The following CFAP97 variants were observed in gnomAD, a reference collection of about 807,000 sequenced individuals.
CFAP97 encodes cilia- and flagella-associated protein 97.
Under a neutral mutation model 43.1 loss-of-function variants are expected in CFAP97, and 36 were observed. The observed-to-expected ratio is 0.84, with a 90% CI of 0.64 to 1.10. The LOEUF (loss-of-function observed/expected upper bound fraction) is 1.10, where lower values mean the gene tolerates loss of function less well. CFAP97 is among the 50% of genes least tolerant of loss of function. The pLI, the probability that CFAP97 is intolerant of heterozygous loss-of-function variation, is 0.00. For synonymous variants in CFAP97, 228 were observed against 225.7 expected, an observed-to-expected ratio of 1.01 and a Z score of -0.09; for missense variants, 657 against 620.3, an observed-to-expected ratio of 1.06 and a Z score of -0.63.
chr4:185,161,430 T>G lies in CFAP97; in HGVS notation c.*1368A>C, dbSNP rs1055898236. The G allele has an allele frequency of 6.6e-6, 1 of 152,120 alleles. No homozygotes were observed. The highest frequency in any genetic ancestry group is 1.5e-5 in the Non-Finnish European group (1 of 68,014). The allele number at this position is 152,120 out of a possible 1,614,324, so 9.4% of individuals were successfully genotyped here. On this transcript the variant is annotated 3_prime_UTR_variant, in exon 5 of 5. Coordinates refer to ENST00000458385, the MANE Select transcript of CFAP97 (RefSeq NM_020827.3). Reference sequence around the variant, plus strand: ...GCTACAGAGCCTGAGCACTGAAAAATGAAAATCTTATTGTGGCTACAGATC... The same window carrying G: ...GCTACAGAGCCTGAGCACTGAAAAAGGAAAATCTTATTGTGGCTACAGATC...
chr4:185,166,062 CT>C (rs1735057434), intron 3 of CFAP97, among the ~76,000 whole-genome samples: 2 of 152,302 alleles, frequency 1.3e-5, no homozygotes, highest in Admixed American at 1.3e-4. Context: ...GCTATTCCTT[CT>C]GCGTGAAGTG....
intron 2 of CFAP97, among the ~76,000 whole-genome samples, chr4:185,179,217 C>A (rs550408040): frequency 1.3e-5 from 2 of 152,040 alleles, no homozygotes; most frequent in African/African-American, 2.4e-5. Context: ...AAGTTAGGGG[C>A]ATCTGTGGAA....
chr4:185,166,297 C>T (rs1735070034), intron 3 of CFAP97, among the ~76,000 whole-genome samples: 1 of 152,158 alleles, frequency 6.6e-6, no homozygotes, highest in African/African-American at 2.4e-5. Flanking sequence ...TCTTCTCTAC[C>T]TGCAGTTTGT....
At chr4:185,208,190 C>T (rs568555351), upstream of CFAP97, among the ~76,000 whole-genome samples, 21 of 152,160 alleles carry the variant, frequency 1.4e-4, no homozygotes, top group African/African-American at 4.6e-4. Flanking sequence ...CTCACTGCGA[C>T]CTCCACCTCC....
chr4:185,164,206 G>A, intron 3 of CFAP97, 27 bp from the exon 4 acceptor site: 1 of 1,608,046 alleles, frequency 6.2e-7, no homozygotes, highest in East Asian at 2.2e-5. Context: ...TAATTTGAAA[G>A]GCAAGGTTAA....
chr4:185,180,587 C>T (rs995018982), intron 2 of CFAP97, among the ~76,000 whole-genome samples: 2 of 151,978 alleles, frequency 1.3e-5, no homozygotes, highest in African/African-American at 2.4e-5. Context: ...GTCAGAATTT[C>T]CTTCATTTTT....
intron 3 of CFAP97, among the ~76,000 whole-genome samples, chr4:185,175,556 G>A (rs1439996603): frequency 6.6e-6 from 1 of 152,090 alleles, no homozygotes; most frequent in Non-Finnish European, 1.5e-5. Context: ...AATTATATGC[G>A]TGACCCACTG....
At chr4:185,180,213 C>T (rs970825728) in intron 2 of CFAP97, among the ~76,000 whole-genome samples, 1 of 152,058 alleles carries the variant, frequency 6.6e-6, no homozygotes, top group Non-Finnish European at 1.5e-5. Context: ...TCATATTTAG[C>T]ATAACAGAAA....
chr4:185,201,278 A>G (rs1456475624), intron 1 of CFAP97, among the ~76,000 whole-genome samples: 1 of 149,054 alleles, frequency 6.7e-6, no homozygotes, highest in Non-Finnish European at 1.5e-5. Flanking sequence ...GTGAGCCCAG[A>G]TCACACCACT....
intron 1 of CFAP97, among the ~76,000 whole-genome samples, chr4:185,194,357 T>C (rs1448097099): frequency 6.6e-6 from 1 of 152,080 alleles, no homozygotes; most frequent in Non-Finnish European, 1.5e-5. Context: ...GGTGTGGCAG[T>C]GCGTGCCTGT....
chr4:185,165,658 G>C (rs1409469930), intron 3 of CFAP97, among the ~76,000 whole-genome samples: 2 of 152,194 alleles, frequency 1.3e-5, no homozygotes, highest in African/African-American at 4.8e-5. Context: ...TTCAGTCATA[G>C]GACAAGTTTT....
At chr4:185,201,983 T>C (rs1007430346) in intron 1 of CFAP97, among the ~76,000 whole-genome samples, 1 of 152,222 alleles carries the variant, frequency 6.6e-6, no homozygotes, top group Non-Finnish European at 1.5e-5. Flanking sequence ...CTCCTGTTAA[T>C]CTGCCTTACA....
At chr4:185,165,952 T>G (rs947411226) in intron 3 of CFAP97, among the ~76,000 whole-genome samples, 4 of 152,110 alleles carry the variant, frequency 2.6e-5, no homozygotes, top group Non-Finnish European at 5.9e-5. Context: ...GAGGAGGTTG[T>G]TATAGAAACA....
intron 2 of CFAP97, among the ~76,000 whole-genome samples, chr4:185,183,422 T>C (rs1262522905): frequency 1.3e-5 from 2 of 152,184 alleles, no homozygotes; most frequent in Non-Finnish European, 2.9e-5. Flanking sequence ...GTGAAGAAAT[T>C]AGGTAAGCCA....
chr4:185,164,662 G>T (rs546821849), intron 3 of CFAP97, among the ~76,000 whole-genome samples: 2 of 152,260 alleles, frequency 1.3e-5, no homozygotes, highest in East Asian at 1.9e-4. Context: ...GCTTCAGGCT[G>T]CTAAAAGCCT....
At position 185,190,673 on chromosome 4, in the gene CFAP97, G is replaced by A. The variant is rs773534017; in HGVS notation, c.524C>T (p.Ser175Phe). The A allele has an allele frequency of 6.4e-7, 1 of 1,573,390 alleles. No homozygotes were observed. Among genetic ancestry groups the A allele is most frequent in the South Asian group, 1.2e-5 (1 of 86,762 alleles). The part of the protein sequence containing the change: ...KYCKVSSSSS[S>F]SLSSSSSGSG... ...ACCTGAAGATGAGGAAGATAAAGAG[G>A]AGGAGGAAGAGGAGCTAACTTTGCA... The change falls in exon 2 of 5, where the codon TCC becomes TTC. Residue 175 changes from serine to phenylalanine, a missense_variant. Coordinates refer to ENST00000458385, the MANE Select transcript of CFAP97 (RefSeq NM_020827.3).
upstream of CFAP97, among the ~76,000 whole-genome samples, chr4:185,207,341 C>T (rs947551769): frequency 3.3e-5 from 5 of 151,592 alleles, no homozygotes; most frequent in African/African-American, 7.3e-5. Context: ...CTCAGCCTCC[C>T]GAGTAGCTGG....
rs372535407 is a variant in CFAP97, at chr4:185,162,900, C to T, written c.1497G>A (p.Thr499=). The T allele has an allele frequency of 1.7e-5, 27 of 1,589,094 alleles. No homozygotes were observed. Among genetic ancestry groups the T allele is most frequent in the Middle Eastern group, 1.7e-4 (1 of 5,990 alleles). ...GCTCACTCCTACAACTGAGACCACTCGTAGCACTGGATGTCCTGGAAGCTC... is the reference window on the plus strand; with the variant it reads ...GCTCACTCCTACAACTGAGACCACTTGTAGCACTGGATGTCCTGGAAGCTC... ...PLRASRTSSA[T]SGLSCRSERS... is the part of the protein sequence containing the mutation. Residue 499 remains threonine (T), a synonymous_variant, in exon 5 of 5, where the codon ACG becomes ACA. Transcript: ENST00000458385.
At position 185,190,581 on chromosome 4, in the gene CFAP97, A is replaced by T. The variant is rs1736196601; in HGVS notation, c.616T>A (p.Ser206Thr). The stretch of plus-strand genomic sequence containing the variant: ...ATACCAGATACATGTTTCTTAGATG[A>T]CTTAGATGACGGAGACGAATCAGAT... ...HLSDSSPSSKSSKKHVSGITL... is the reference protein window; with the variant it reads ...HLSDSSPSSKTSKKHVSGITL... The change falls in exon 2 of 5, where the codon TCA becomes ACA. Residue 206 changes from serine to threonine, a missense_variant. By Grantham distance (58) the Ser-to-Thr change is moderately conservative (BLOSUM62 1). Transcript: ENST00000458385. 2 of 1,613,600 alleles carry T rather than the reference A, an allele frequency of 1.2e-6. No homozygotes were observed. The highest frequency in any genetic ancestry group is 4.5e-5 in the East Asian group (2 of 44,882).
Sources: gnomAD v4.1 joint callset for allele counts (sites outside exome capture counted in the v4.1 genomes callset) on GRCh38, gnomAD v4.1.1 for gene constraint, MANE v1.5 for transcripts, NCBI Gene and HGNC (gene_info 2026-07-23, HGNC 2026-07-21) for gene names.